NCKAP5: variants seen among roughly 807,000 people sequenced by gnomAD.
NCKAP5 encodes the protein nck-associated protein 5.
A neutral mutation model predicts 167.0 loss-of-function variants in NCKAP5; 92 were observed. The observed-to-expected ratio is 0.55, with a 90% CI of 0.47 to 0.66. NCKAP5 has a LOEUF of 0.66. Among genes scored for constraint, NCKAP5 ranks in the 30% least tolerant of loss-of-function variants. The probability of loss-of-function intolerance (pLI) is 0.00; values close to 1 mark genes in which losing one functional copy is unlikely to be tolerated. For missense variants in NCKAP5, 2,378 were observed against 2,315.0 expected (o/e 1.03, Z -0.56); for synonymous variants, 891 against 877.4 (o/e 1.02, Z -0.27).
chr2:133,332,773 G>A (rs1345365484), intron 3 of NCKAP5, among the ~76,000 whole-genome samples: 1 of 152,172 alleles, frequency 6.6e-6, no homozygotes, highest in Admixed American at 6.5e-5. Context: ...TGCTTCTAGG[G>A]GAGGTCTGGA....
intron 7 of NCKAP5, among the ~76,000 whole-genome samples, chr2:132,982,657 C>T (rs1028866282): frequency 1.3e-5 from 2 of 152,132 alleles, no homozygotes; most frequent in Non-Finnish European, 2.9e-5. Flanking sequence ...AACCCTTGCC[C>T]CCTCCCTCCC....
intron 19 of NCKAP5, among the ~76,000 whole-genome samples, chr2:132,713,041 T>C (rs558586561): frequency 6.6e-6 from 1 of 152,036 alleles, no homozygotes; most frequent in African/African-American, 2.4e-5. Flanking sequence ...ATATATTAAG[T>C]GGGAGAAAGC....
intron 7 of NCKAP5, among the ~76,000 whole-genome samples, chr2:132,972,003 G>A (rs2076849461): frequency 6.6e-6 from 1 of 152,128 alleles, no homozygotes; most frequent in African/African-American, 2.4e-5. Flanking sequence ...ATAAGCTTTT[G>A]AGGTTGCACA....
At chr2:133,343,948 T>A (rs539205777) in intron 3 of NCKAP5, among the ~76,000 whole-genome samples, 3 of 152,178 alleles carry the variant, frequency 2.0e-5, no homozygotes, top group Non-Finnish European at 1.5e-5. Context: ...CAGTTAACTC[T>A]CTGGAGCAGT....
chr2:133,547,395 C>G (rs916323458), intron 2 of NCKAP5, among the ~76,000 whole-genome samples: 2 of 152,122 alleles, frequency 1.3e-5, no homozygotes, highest in Non-Finnish European at 2.9e-5. Flanking sequence ...GGAGGCCTGC[C>G]TGCCTCTGTA....
At chr2:133,293,118 T>A (rs977981492) in intron 4 of NCKAP5, among the ~76,000 whole-genome samples, 22 of 152,224 alleles carry the variant, frequency 1.4e-4, no homozygotes, top group African/African-American at 5.3e-4. Context: ...ACCCCCTCCA[T>A]CCCTCAATGC....
At chr2:133,001,215 CT>C (rs56110206) in intron 6 of NCKAP5, among the ~76,000 whole-genome samples, 5,656 of 134,360 alleles carry the variant, frequency 0.042, 61 homozygotes, top group Middle Eastern at 0.083. Flanking sequence ...CTTTGACTTA[CT>C]TTTTTTTTTT....
chr2:133,576,674 G>A, the NCKAP5 span, among the ~76,000 whole-genome samples: 50 of 152,228 alleles, frequency 3.3e-4, no homozygotes, highest in Non-Finnish European at 6.2e-4. Context: ...CATAGGCGCT[G>A]TTTGTCTGAG....
chr2:132,829,702 C>T (rs548899619), intron 11 of NCKAP5, among the ~76,000 whole-genome samples: 3 of 152,210 alleles, frequency 2.0e-5, no homozygotes, highest in Non-Finnish European at 4.4e-5. Context: ...GATTACTGGA[C>T]ACCTACACCC....
chr2:133,620,979 C>A, the NCKAP5 span, among the ~76,000 whole-genome samples: 9 of 152,094 alleles, frequency 5.9e-5, no homozygotes, highest in African/African-American at 2.2e-4. Flanking sequence ...CCCTCAAAAC[C>A]ATGCGAATAC....
intron 4 of NCKAP5, among the ~76,000 whole-genome samples, chr2:133,249,155 C>G (rs2088165098): frequency 6.6e-6 from 1 of 151,648 alleles, no homozygotes; most frequent in South Asian, 2.1e-4. Flanking sequence ...GAATGAGTTA[C>G]CTTACACGGT....
At chr2:133,670,169 CCT>C in the NCKAP5 span, among the ~76,000 whole-genome samples, 4 of 152,310 alleles carry the variant, frequency 2.6e-5, no homozygotes, top group East Asian at 7.7e-4. Context: ...GCCTCTATTT[CCT>C]CTCTGCAAAT....
intron 5 of NCKAP5, among the ~76,000 whole-genome samples, chr2:133,146,080 A>C (rs1428325931): frequency 6.6e-6 from 1 of 152,080 alleles, no homozygotes; most frequent in Admixed American, 6.6e-5. Flanking sequence ...GTTATTAAAA[A>C]GCAACATCTA....
At chr2:132,993,203 C>T (rs907518765) in intron 7 of NCKAP5, among the ~76,000 whole-genome samples, 1 of 152,176 alleles carries the variant, frequency 6.6e-6, no homozygotes, top group Non-Finnish European at 1.5e-5. Context: ...AATGTCCTTG[C>T]TTTTTAAAGC....
intron 16 of NCKAP5, among the ~76,000 whole-genome samples, chr2:132,733,627 C>T (rs1324824400): frequency 1.3e-5 from 2 of 152,192 alleles, no homozygotes; most frequent in Non-Finnish European, 2.9e-5. Context: ...ATATTTATTA[C>T]ATATTAGTAG....
In NCKAP5 at chr2:132,782,035, T is replaced by A; in HGVS notation, c.4776A>T (p.Gln1592His). The change falls in exon 14 of 20, where the codon CAA becomes CAT. Residue 1592 changes from glutamine (Q) to histidine (H), a missense_variant. Coordinates refer to ENST00000409261, the MANE Select transcript of NCKAP5 (RefSeq NM_207363.3). ...LQSKNNRRTP[Q>H]DIYNQLKIEP... ...CAATCTTCAGTTGGTTGTAAATGTC[T>A]TGTGGTGTTCTCCGATTATTTTTGC... The A allele has an allele frequency of 6.2e-7, 1 of 1,614,042 alleles. No homozygotes were observed. Among genetic ancestry groups the A allele is most frequent in the Non-Finnish European group, 8.5e-7 (1 of 1,179,878 alleles).
intron 3 of NCKAP5, among the ~76,000 whole-genome samples, chr2:133,440,692 AGAGT>A (rs1406029146): frequency 7.5e-6 from 1 of 132,530 alleles, no homozygotes; most frequent in East Asian, 2.5e-4. Context: ...CCTGGGCGAC[AGAGT>A]GAGACTCTGT....
intron 3 of NCKAP5, among the ~76,000 whole-genome samples, chr2:133,413,442 T>G (rs765594720): frequency 2.7e-4 from 41 of 152,160 alleles, no homozygotes; most frequent in Non-Finnish European, 5.4e-4. Flanking sequence ...AGGAATGAAC[T>G]GATAAGATCA....
chr2:133,290,337 T>C (rs1679487503), intron 4 of NCKAP5, among the ~76,000 whole-genome samples: 1 of 152,216 alleles, frequency 6.6e-6, no homozygotes. Flanking sequence ...TATTTCAAAA[T>C]CATGAGATAT....
Sources: allele counts gnomAD v4.1 joint callset (sites outside exome capture counted in the v4.1 genomes callset), GRCh38; gene constraint gnomAD v4.1.1; transcripts MANE v1.5; gene names NCBI Gene and HGNC (gene_info 2026-07-23, HGNC 2026-07-21).